Variants in NAV2 observed in about 807,000 individuals in gnomAD.
The protein encoded by NAV2 is neuron navigator 2.
In NAV2, 54 loss-of-function variants were observed where a neutral mutation model predicts 223.2. That is an observed-to-expected ratio of 0.24 (90% CI 0.19 to 0.30). The LOEUF is 0.30. NAV2 is among the 10% of genes least tolerant of loss of function. The pLI is 1.00. For synonymous variants in NAV2, 1,279 were observed against 1,239.3 expected, an observed-to-expected ratio of 1.03 and a Z score of -0.67; for missense variants, 2,806 against 3,147.5, an observed-to-expected ratio of 0.89 and a Z score of 2.60.
intron 1 of NAV2, among the ~76,000 whole-genome samples, chr11:19,754,793 T>C (rs945094335): frequency 6.6e-6 from 1 of 152,234 alleles, no homozygotes; most frequent in Non-Finnish European, 1.5e-5. Context: ...GAGCTCATCT[T>C]GTATACTTCA....
chr11:19,522,925 A>T (rs1022501104), intron 1 of NAV2, among the ~76,000 whole-genome samples: 1 of 152,184 alleles, frequency 6.6e-6, no homozygotes, highest in African/African-American at 2.4e-5. Context: ...AGTTATTATT[A>T]TTGGGAATAA....
chr11:20,008,800 T>C (rs1024715896), intron 11 of NAV2, among the ~76,000 whole-genome samples: 3 of 152,118 alleles, frequency 2.0e-5, no homozygotes, highest in Non-Finnish European at 4.4e-5. Context: ...GTGTGTGTGC[T>C]TGCACATGCT....
chr11:19,933,749 A>C lies in NAV2; in HGVS notation c.1505A>C (p.Lys502Thr), dbSNP rs1452526182. 1 of 1,614,230 alleles carries C rather than the reference A, an allele frequency of 6.2e-7. No individual in the cohort carries two copies. Among genetic ancestry groups the C allele is most frequent in the Non-Finnish European group, 8.5e-7 (1 of 1,180,040 alleles). Reference protein sequence around the residue: ...QQREKDKEKSKDLAKRASVTE... With the variant: ...QQREKDKEKSTDLAKRASVTE... ...CGGGAGAAGGATAAGGAGAAAAGCA[A>C]GGACCTTGCCAAGAGAGCCTCTGTG... Residue 502 changes from lysine to threonine, a missense_variant, in exon 7 of 38, where the codon AAG (lysine) becomes ACG (threonine). Transcript: ENST00000349880. This position sits in a 1 kb window ranked among gnomAD's most constrained non-coding sequence, Gnocchi z 4.3.
intron 1 of NAV2, among the ~76,000 whole-genome samples, chr11:19,582,709 T>G (rs570219263): frequency 1.3e-4 from 20 of 152,346 alleles, no homozygotes; most frequent in Non-Finnish European, 2.1e-4. Flanking sequence ...GGCTCTGTTC[T>G]GTTCCATTGG....
At chr11:19,887,877 CA>C (rs1350058967) in intron 5 of NAV2, among the ~76,000 whole-genome samples, 1 of 151,986 alleles carries the variant, frequency 6.6e-6, no homozygotes, top group African/African-American at 2.4e-5. Flanking sequence ...CATGTGCACA[CA>C]AGCTGCCATG....
At chr11:19,931,360 A>G (rs1237153938) in intron 6 of NAV2, among the ~76,000 whole-genome samples, 1 of 152,144 alleles carries the variant, frequency 6.6e-6, no homozygotes, top group East Asian at 1.9e-4. Context: ...AGGAAGATAT[A>G]TGTGTTTTAA....
chr11:20,002,513 T>C (rs770206496), intron 11 of NAV2, among the ~76,000 whole-genome samples: 9 of 151,950 alleles, frequency 5.9e-5, no homozygotes, highest in Non-Finnish European at 1.0e-4. Context: ...TTCCTGGAGG[T>C]GGTAGGCTTT....
Position 20,095,761 on chromosome 11 carries a change from G to A in NAV2, c.6006G>A (p.Leu2002=), listed in dbSNP as rs138115924. The A allele has an allele frequency of 5.6e-6, 9 of 1,613,254 alleles. No homozygotes were observed. Among genetic ancestry groups the A allele is most frequent in the East Asian group, 4.5e-5 (2 of 44,852 alleles). Residue 2002 remains leucine (L), a synonymous_variant, in exon 30 of 38, where the codon CTG becomes CTA. Coordinates refer to ENST00000349880, the MANE Select transcript of NAV2 (RefSeq NM_145117.5). Reference sequence around the variant, plus strand: ...TGCTCGATGGGGTGGTTAGACGGCTGTTCAAAGTAAGTGTTTCAAGACAAC... The same window carrying A: ...TGCTCGATGGGGTGGTTAGACGGCTATTCAAAGTAAGTGTTTCAAGACAAC... ...WDVLDGVVRR[L]FKEYIIHVDP...
At chr11:19,433,711 T>G (rs962104268) in intron 1 of NAV2, among the ~76,000 whole-genome samples, 13 of 152,224 alleles carry the variant, frequency 8.5e-5, no homozygotes, top group African/African-American at 2.9e-4. Context: ...CCCCTGAAGC[T>G]AACTGGGGCC....
intron 10 of NAV2, among the ~76,000 whole-genome samples, chr11:19,981,936 C>CA (rs1292243257): frequency 1.3e-5 from 2 of 151,780 alleles, no homozygotes; most frequent in African/African-American, 2.4e-5. Flanking sequence ...AGTGTTCTTG[C>CA]AAAAAAAATT....
chr11:19,934,361 G>A lies in NAV2; in HGVS notation c.2033+84G>A, dbSNP rs2045656433. On this transcript the variant is annotated intron_variant, in intron 7 of 37. Transcript: ENST00000349880. The stretch of plus-strand genomic sequence containing the variant: ...GGATTCCGGGTCTGTAAGGGCAGAA[G>A]CTAGACTGTGCTCCAGGAATACTTA... 2.1e-6 allele frequency: 3 copies of A among 1,413,646 alleles called. No individual in the cohort carries two copies. The African/African-American group carries it at 4.3e-5, about 20-fold the overall frequency. 87.6% of individuals were successfully genotyped at this position (1,413,646 alleles called of 1,614,324 possible). A position where few individuals can be genotyped will look rare whatever the true frequency, so the allele number is the denominator to read the frequency against.
chr11:20,024,555 G>A (rs1000957454), intron 11 of NAV2, among the ~76,000 whole-genome samples: 1 of 152,210 alleles, frequency 6.6e-6, no homozygotes, highest in Non-Finnish European at 1.5e-5. Context: ...TCACATGTGT[G>A]CTGGAGGTGC....
At chr11:19,475,133 G>A (rs889458627) in intron 1 of NAV2, among the ~76,000 whole-genome samples, 2 of 152,230 alleles carry the variant, frequency 1.3e-5, no homozygotes, top group African/African-American at 2.4e-5. Flanking sequence ...GGGGAAAGCC[G>A]GAAGGCTAAG....
At chr11:19,551,377 A>T (rs1196989910) in intron 1 of NAV2, among the ~76,000 whole-genome samples, 1 of 152,250 alleles carries the variant, frequency 6.6e-6, no homozygotes, top group Admixed American at 6.5e-5. Context: ...TCTGCAGATC[A>T]GGCTGAGCCT....
chr11:19,688,335 A>G (rs1295968930), intron 1 of NAV2, among the ~76,000 whole-genome samples: 1 of 152,170 alleles, frequency 6.6e-6, no homozygotes, highest in African/African-American at 2.4e-5. Context: ...GACCTGTGTA[A>G]TCTTATCCAT....
At chr11:19,904,945 A>G (rs561245505) in intron 6 of NAV2, among the ~76,000 whole-genome samples, 17 of 152,144 alleles carry the variant, frequency 1.1e-4, no homozygotes, top group Admixed American at 1.1e-3. Flanking sequence ...GCAAGGGTAA[A>G]GTTGGTGTGA....
chr11:19,936,705 G>T (rs1369334456), intron 7 of NAV2, among the ~76,000 whole-genome samples: 1 of 152,200 alleles, frequency 6.6e-6, no homozygotes, highest in Non-Finnish European at 1.5e-5. Context: ...TATTGATCGA[G>T]TGTGGGTACA....
At chr11:20,072,074 T>C (rs11025373) in intron 22 of NAV2, among the ~76,000 whole-genome samples, 1,650 of 152,334 alleles carry the variant, frequency 0.011, 27 homozygotes, top group African/African-American at 0.038. Flanking sequence ...ATTTTAGGTC[T>C]TAGGTTTAAT....
intron 1 of NAV2, among the ~76,000 whole-genome samples, chr11:19,459,659 G>A (rs75198178): frequency 0.011 from 1,661 of 152,318 alleles, 39 homozygotes; most frequent in East Asian, 0.086. Flanking sequence ...CAGTATTCTA[G>A]AGAGAATGCT....
Sources: gnomAD v4.1 joint callset for allele counts (sites outside exome capture counted in the v4.1 genomes callset) on GRCh38, gnomAD v4.1.1 for gene constraint, Gnocchi (gnomAD v3.1) non-coding constraint, MANE v1.5 for transcripts, NCBI Gene and HGNC (gene_info 2026-07-23, HGNC 2026-07-21) for gene names.